Variants in WASHC2C observed in about 807,000 individuals in gnomAD.
WASHC2C encodes WASH complex subunit 2C, also known as Vaccinia Penetration Factor.
A neutral mutation model predicts 142.2 loss-of-function variants in WASHC2C; 73 were observed. That is an observed-to-expected ratio of 0.51 (90% confidence interval 0.43 to 0.62). WASHC2C has a LOEUF of 0.62. WASHC2C is among the 20% of genes least tolerant of loss of function. The probability of loss-of-function intolerance (pLI) is 0.00; values close to 1 mark genes in which losing one functional copy is unlikely to be tolerated. For missense variants in WASHC2C, 969 were observed against 1,531.7 expected (o/e 0.63, Z 6.13); for synonymous variants, 337 against 565.5 (o/e 0.60, Z 5.73).
Position 45,752,610 on chromosome 10 carries a change from A to AC in WASHC2C, c.1032dup (p.Lys345GlnfsTer25), listed in dbSNP as rs1397986573. 1.3e-5 allele frequency: 21 copies of AC among 1,609,080 alleles called. No homozygotes were observed. The highest frequency in any genetic ancestry group is 3.3e-5 in the Admixed American group (2 of 59,832). On this transcript the variant is annotated frameshift_variant, in exon 12 of 31. Transcript: ENST00000623400. LOFTEE classifies it high-confidence loss of function. ...TAGATGAAGAGGATAACTTATTCGC[A>AC]CCCCCCAAGCTGACCGACGAGGACT...
chr10:45,747,851 C>G (rs1158116641), intron 8 of WASHC2C, among the ~76,000 whole-genome samples: 2 of 150,570 alleles, frequency 1.3e-5, no homozygotes, highest in African/African-American at 5.0e-5. Context: ...TCCCAGAGTA[C>G]TGGGATTACA....
rs1179370659 is a variant in WASHC2C, at chr10:45,754,923, C to G, written c.1241-13C>G. On this transcript the variant is annotated splice_polypyrimidine_tract_variant and intron_variant, in intron 14 of 30. Transcript: ENST00000623400. ...GGCTCACAGCTGTGGCTGTCTTGTC[C>G]CTTCACTCACAGGAGACACGGATGT... The G allele has an allele frequency of 1.5e-5, 24 of 1,611,594 alleles. No individual in the cohort carries two copies. Among genetic ancestry groups the G allele is most frequent in the Non-Finnish European group, 1.9e-5 (23 of 1,179,828 alleles).
Position 45,757,138 on chromosome 10 carries a change from A to C in WASHC2C, c.1547A>C (p.Lys516Thr), listed in dbSNP as rs201160434. Reference sequence around the variant, plus strand: ...GAAAATAAAGCAAGAGCAGAAAAAAAGGTGAGCAGGAGGGAAGACTTAACG... The same window carrying C: ...GAAAATAAAGCAAGAGCAGAAAAAACGGTGAGCAGGAGGGAAGACTTAACG... ...TDENKARAEK[K>T]VTLSYSKNLK... is the part of the protein sequence containing the mutation. The change falls in exon 16 of 31, where the codon AAG (lysine) becomes ACG (threonine). Residue 516 changes from lysine to threonine, a missense_variant and splice_region_variant. By Grantham distance (78) the Lys-to-Thr change is moderately conservative. Transcript: ENST00000623400. The C allele has an allele frequency of 2.3e-4, 371 of 1,604,494 alleles. No individual in the cohort carries two copies. In the African/African-American group the frequency reaches 4.2e-3, roughly 18 times the overall value.
chr10:45,773,294 A>G lies in WASHC2C; in HGVS notation c.2078A>G (p.Asp693Gly). 1.0e-6 allele frequency: 1 copy of G among 990,978 alleles called. No homozygotes were observed. The highest frequency in any genetic ancestry group is 1.5e-6 in the Non-Finnish European group (1 of 666,174). The allele number at this position is 990,978 out of a possible 1,614,324, so 61.4% of individuals were successfully genotyped here. ...KTQRVSLLFEDDVDSGGSLFG... is the reference protein window; with the variant it reads ...KTQRVSLLFEGDVDSGGSLFG... The stretch of plus-strand genomic sequence containing the variant: ...CAGAGAGTGTCACTCCTCTTTGAAG[A>G]CGATGTTGATAGCGGAGGCTCTCTG... Residue 693 changes from aspartate to glycine, a missense_variant, in exon 21 of 31, where the codon GAC becomes GGC. Transcript: ENST00000623400.
intron 29 of WASHC2C, among the ~76,000 whole-genome samples, 176 bp from the exon 30 acceptor site, chr10:45,790,180 G>T (rs2058315770): frequency 6.6e-6 from 1 of 152,212 alleles, no homozygotes; most frequent in African/African-American, 2.4e-5. Flanking sequence ...GCCGGGGTGA[G>T]ATGCGCGGGC....
upstream of WASHC2C, chr10:45,727,168 G>A (rs1382043850): frequency 3.5e-6 from 5 of 1,449,220 alleles, no homozygotes; most frequent in Non-Finnish European, 4.5e-6. Context: ...CAGCATCGCA[G>A]GTCGGATCAC....
intron 17 of WASHC2C, among the ~76,000 whole-genome samples, chr10:45,759,760 AATGAACCGAG>A (rs2054850263): frequency 1.3e-5 from 2 of 151,780 alleles, no homozygotes; most frequent in Non-Finnish European, 2.9e-5. Flanking sequence ...CAGAAGTTGC[AATGAACCGAG>A]ATCACACCAT....
At chr10:45,754,138 A>T (rs1256358608) in intron 13 of WASHC2C, among the ~76,000 whole-genome samples, 20 of 152,128 alleles carry the variant, frequency 1.3e-4, no homozygotes, top group Non-Finnish European at 2.8e-4. Context: ...TCCAACTGGA[A>T]TGGGTAGAGG....
chr10:45,731,637 C>T lies in WASHC2C; in HGVS notation c.291+2611C>T, dbSNP rs182464658. ...TCTTCTCCGGATGTGCTGGTTGCCG[C>T]TGCCAAATCTTAATTACTTCCCAGA... On this transcript the variant is annotated intron_variant, in intron 3 of 30. Coordinates refer to ENST00000623400, the MANE Select transcript of WASHC2C (RefSeq NM_001330074.2). Among the ~76,000 whole-genome samples the T allele has an allele frequency of 3.6e-3, 545 of 151,872 alleles. 12 individuals are homozygous for T. The East Asian group carries it at 0.049, about 14-fold the overall frequency.
chr10:45,782,988 A>C (rs1564816485), intron 23 of WASHC2C, among the ~76,000 whole-genome samples: 2 of 152,196 alleles, frequency 1.3e-5, no homozygotes, highest in Non-Finnish European at 2.9e-5. Flanking sequence ...TTTGGGGGTG[A>C]TGAGAATATT....
At chr10:45,736,154 T>TCC (rs2051208074) in intron 3 of WASHC2C, among the ~76,000 whole-genome samples, 2 of 150,018 alleles carry the variant, frequency 1.3e-5, no homozygotes, top group Admixed American at 1.3e-4. Context: ...ACACCTGTAA[T>TCC]CCCAGCACTT....
rs2056753505 is a variant in WASHC2C, at chr10:45,773,153, A to G, written c.2040-103A>G. The G allele has an allele frequency of 2.3e-5, 12 of 529,776 alleles. 1 individual carries two copies. Among genetic ancestry groups the G allele is most frequent in the Middle Eastern group, 5.0e-4 (1 of 2,012 alleles). 32.8% of individuals were successfully genotyped at this position (529,776 alleles called of 1,614,324 possible). ...CTAATGGCTTGGGTGTTTGGGTGGT[A>G]GGTGGATTCCTGTAGGTGCAGTCTA... On this transcript the variant is annotated intron_variant, in intron 20 of 30. Transcript: ENST00000623400.
intron 13 of WASHC2C, among the ~76,000 whole-genome samples, chr10:45,754,218 C>A (rs538334158): frequency 1.2e-3 from 166 of 136,442 alleles, no homozygotes; most frequent in African/African-American, 4.7e-3. Context: ...CCCTTGGTGT[C>A]CCCCAGCTGA....
intron 25 of WASHC2C, among the ~76,000 whole-genome samples, 174 bp from the exon 26 acceptor site, chr10:45,785,335 G>A (rs1177224775): frequency 6.6e-6 from 1 of 152,146 alleles, no homozygotes; most frequent in Admixed American, 6.5e-5. Flanking sequence ...GGACTCCTGT[G>A]ACAGCCACAG....
chr10:45,784,248 G>A lies in WASHC2C; in HGVS notation c.2479-317G>A, dbSNP rs1391920735. On this transcript the variant is annotated intron_variant, in intron 23 of 30. Coordinates refer to ENST00000623400, the MANE Select transcript of WASHC2C (RefSeq NM_001330074.2). ...TGTGCATATATATATATATGTGTGT[G>A]TGTGTATATATATATATATATATAT... Among the ~76,000 whole-genome samples the A allele has an allele frequency of 8.9e-3, 273 of 30,776 alleles. 2 individuals are homozygous for A. The highest frequency in any genetic ancestry group is 0.025 in the African/African-American group (249 of 9,984). 20.2% of individuals were successfully genotyped at this position (30,776 alleles called of 152,430 possible).
intron 17 of WASHC2C, among the ~76,000 whole-genome samples, chr10:45,762,638 G>C (rs1564769687): frequency 6.6e-6 from 1 of 152,226 alleles, no homozygotes; most frequent in Non-Finnish European, 1.5e-5. Flanking sequence ...GGGTGTGGTG[G>C]CTCAAGCCTG....
intron 21 of WASHC2C, among the ~76,000 whole-genome samples, chr10:45,776,194 A>G (rs1190147746): frequency 5.3e-5 from 8 of 152,010 alleles, no homozygotes; most frequent in Admixed American, 3.9e-4. Context: ...TTTTAAAATC[A>G]TGATTAGCAA....
chr10:45,752,754 G>A (rs1554875432), intron 12 of WASHC2C, 48 bp downstream of exon 12: 2 of 1,283,346 alleles, frequency 1.6e-6, no homozygotes, highest in Admixed American at 2.2e-5. Context: ...GCTGTGTCAG[G>A]GGTCCACAGG....
At chr10:45,771,532 C>T (rs1445968608) in intron 20 of WASHC2C, 3 of 982,840 alleles carry the variant, frequency 3.1e-6, no homozygotes, top group African/African-American at 3.5e-5. Flanking sequence ...GTCCACTACC[C>T]CCACCCCACA....
Sources: gnomAD v4.1 joint callset for allele counts (sites outside exome capture counted in the v4.1 genomes callset) on GRCh38, gnomAD v4.1.1 for gene constraint, MANE v1.5 for transcripts, NCBI Gene and HGNC (gene_info 2026-07-23, HGNC 2026-07-21) for gene names.